C2orf49: variants seen among roughly 807,000 people sequenced by gnomAD.
C2orf49 encodes tRNA-splicing ligase complex subunit ASW.
A neutral mutation model predicts 20.6 loss-of-function variants in C2orf49; 11 were observed. The ratio of observed to expected loss-of-function variants is 0.53; its 90% CI spans 0.34 to 0.88. The LOEUF (loss-of-function observed/expected upper bound fraction) is 0.88, where lower values mean the gene tolerates loss of function less well. Among genes scored for constraint, C2orf49 ranks in the 40% least tolerant of loss-of-function variants. The probability of loss-of-function intolerance (pLI) is 0.02; values close to 1 mark genes in which losing one functional copy is unlikely to be tolerated. For synonymous variants in C2orf49, 134 were observed against 108.5 expected, an observed-to-expected ratio of 1.24 and a Z score of -1.46; for missense variants, 289 against 274.2, an observed-to-expected ratio of 1.05 and a Z score of -0.38.
At chr2:105,356,355 C>T in the C2orf49 span, among the ~76,000 whole-genome samples, 1 of 152,168 alleles carries the variant, frequency 6.6e-6, no homozygotes, top group Admixed American at 6.6e-5. Context: ...CATGCCACTG[C>T]ACTACAGCCT....
the C2orf49 span, among the ~76,000 whole-genome samples, chr2:105,365,674 C>CCAA: frequency 2.8e-5 from 2 of 71,648 alleles, no homozygotes; most frequent in African/African-American, 5.5e-5. Context: ...GTCTCTACTA[C>CCAA]AAAAAAAAAA....
In C2orf49 at chr2:105,346,592, T is replaced by G. The variant is rs1679817707; in HGVS notation, c.*1221T>G. 6.6e-6 allele frequency: 1 copy of G among 152,216 alleles called. No homozygotes were observed. Among genetic ancestry groups the G allele is most frequent in the Non-Finnish European group, 1.5e-5 (1 of 68,030 alleles). 9.4% of individuals were successfully genotyped at this position (152,216 alleles called of 1,614,324 possible). On this transcript the variant is annotated 3_prime_UTR_variant, in exon 4 of 4. Coordinates refer to ENST00000258457, the MANE Select transcript of C2orf49 (RefSeq NM_024093.3). ...AGGAGTGGGGGTAGAATTCTAGAAT[T>G]TATAAGAGTCCAGGAAGCATAGCAG...
At chr2:105,351,722 C>T (rs1261700137), downstream of C2orf49, among the ~76,000 whole-genome samples, 3 of 152,068 alleles carry the variant, frequency 2.0e-5, no homozygotes, top group East Asian at 3.9e-4. Flanking sequence ...TTGCTCAAGC[C>T]GTAGAATGAG....
At chr2:105,342,446 T>C (rs1014511979) in intron 2 of C2orf49, among the ~76,000 whole-genome samples, 1 of 152,222 alleles carries the variant, frequency 6.6e-6, no homozygotes, top group African/African-American at 2.4e-5. Flanking sequence ...ATTGCTGCTG[T>C]GGTAGTCTTG....
the C2orf49 span, chr2:105,377,810 C>G: frequency 3.0e-6 from 1 of 337,390 alleles, no homozygotes; most frequent in South Asian, 2.4e-5. Flanking sequence ...GACAAGAGAC[C>G]TGAAGGAGTA....
In C2orf49 at chr2:105,337,561, G is replaced by A. The variant is rs752182071; in HGVS notation, c.-27G>A. 27 of 1,613,098 alleles carry A rather than the reference G, an allele frequency of 1.7e-5. No homozygotes were observed. Among genetic ancestry groups the A allele is most frequent in the South Asian group, 3.3e-5 (3 of 91,012 alleles). On this transcript the variant is annotated 5_prime_UTR_variant, in exon 1 of 4. Coordinates refer to ENST00000258457, the MANE Select transcript of C2orf49 (RefSeq NM_024093.3). ...CTTCCTTCGCGGGGCTTTGTGGGTAGCCGACTGGGGTCTCCTGGCGACGAC... is the reference window on the plus strand; with the variant it reads ...CTTCCTTCGCGGGGCTTTGTGGGTAACCGACTGGGGTCTCCTGGCGACGAC...
chr2:105,339,804 TAA>T (rs1373071664), intron 2 of C2orf49, 55 bp downstream of exon 2: 2 of 1,384,270 alleles, frequency 1.4e-6, no homozygotes, highest in Non-Finnish European at 1.9e-6. Flanking sequence ...AAGTTATATA[TAA>T]GTTATTGATT....
At chr2:105,338,733 G>A (rs1679575634) in intron 1 of C2orf49, among the ~76,000 whole-genome samples, 1 of 152,124 alleles carries the variant, frequency 6.6e-6, no homozygotes, top group Non-Finnish European at 1.5e-5. Context: ...AGTAAAATGT[G>A]CTTTTATTAG....
chr2:105,380,536 C>G, the C2orf49 span, among the ~76,000 whole-genome samples: 1 of 152,168 alleles, frequency 6.6e-6, no homozygotes, highest in African/African-American at 2.4e-5. Context: ...GCTCAAGTGA[C>G]TCTTTCCAAA....
the C2orf49 span, chr2:105,373,412 C>T: frequency 2.5e-6 from 2 of 786,198 alleles, no homozygotes; most frequent in Non-Finnish European, 4.3e-6. Flanking sequence ...TTCGTAAGTA[C>T]TCTAAATACT....
At chr2:105,367,876 T>C in the C2orf49 span, 10 of 763,700 alleles carry the variant, frequency 1.3e-5, no homozygotes, top group Non-Finnish European at 1.2e-5. Context: ...GGCTCGCCTC[T>C]ACATGGAGGT....
At chr2:105,362,815 T>C in the C2orf49 span, among the ~76,000 whole-genome samples, 9 of 152,224 alleles carry the variant, frequency 5.9e-5, no homozygotes, top group African/African-American at 2.2e-4. Flanking sequence ...GAATACAATA[T>C]GAAAAACTCC....
chr2:105,361,523 A>G, the C2orf49 span: 2 of 1,248,834 alleles, frequency 1.6e-6, no homozygotes, highest in African/African-American at 3.0e-5. Context: ...GATCCATTTC[A>G]AAGTTTGGAT....
chr2:105,363,123 T>C, the C2orf49 span: 1 of 636,612 alleles, frequency 1.6e-6, no homozygotes. Flanking sequence ...GCATAGCCAG[T>C]GCACCAAGGA....
chr2:105,361,111 T>G, the C2orf49 span: 1 of 586,132 alleles, frequency 1.7e-6, no homozygotes, highest in Non-Finnish European at 2.8e-6. Flanking sequence ...TCCCTGGGAC[T>G]GAACTATCAC....
chr2:105,379,628 T>G, the C2orf49 span, among the ~76,000 whole-genome samples: 25,119 of 152,162 alleles, frequency 0.17, 2,325 homozygotes, highest in East Asian at 0.29. Flanking sequence ...AAAACTAAAC[T>G]GTGCTCCTGT....
chr2:105,370,210 C>CCG, the C2orf49 span, among the ~76,000 whole-genome samples: 4 of 151,642 alleles, frequency 2.6e-5, no homozygotes, highest in East Asian at 3.9e-4. Context: ...CTGTCTCTAC[C>CCG]CCCCCAAAAA....
At chr2:105,364,804 A>C in the C2orf49 span, among the ~76,000 whole-genome samples, 33 of 152,334 alleles carry the variant, frequency 2.2e-4, no homozygotes, top group African/African-American at 7.7e-4. Flanking sequence ...TGGATGAGTA[A>C]ACTGAGACTC....
intron 2 of C2orf49, among the ~76,000 whole-genome samples, chr2:105,342,135 G>A (rs951706684): frequency 1.2e-4 from 18 of 152,320 alleles, no homozygotes; most frequent in African/African-American, 4.1e-4. Context: ...TCGCGCCATC[G>A]CACGCCACCC....
Sources: allele counts gnomAD v4.1 joint callset (sites outside exome capture counted in the v4.1 genomes callset), GRCh38; gene constraint gnomAD v4.1.1; transcripts MANE v1.5; gene names NCBI Gene and HGNC (gene_info 2026-07-23, HGNC 2026-07-21).